Variants in KHDRBS2 observed in about 807,000 individuals in gnomAD.
The protein encoded by KHDRBS2 is KH domain-containing, RNA-binding, signal transduction-associated protein 2.
A neutral mutation model predicts 44.3 loss-of-function variants in KHDRBS2; 26 were observed. The ratio of observed to expected loss-of-function variants is 0.59; its 90% CI spans 0.43 to 0.81. The LOEUF (loss-of-function observed/expected upper bound fraction) is 0.81. KHDRBS2 is among the 40% of genes least tolerant of loss of function. The probability of loss-of-function intolerance (pLI) is 0.00; values close to 1 mark genes in which losing one functional copy is unlikely to be tolerated. For synonymous variants in KHDRBS2, 194 were observed against 151.1 expected, an observed-to-expected ratio of 1.28 and a Z score of -2.08; for missense variants, 476 against 433.1, an observed-to-expected ratio of 1.10 and a Z score of -0.88.
At chr6:61,833,637 C>T (rs1008782063) in intron 6 of KHDRBS2, among the ~76,000 whole-genome samples, 10 of 152,018 alleles carry the variant, frequency 6.6e-5, no homozygotes, top group East Asian at 1.9e-4. Context: ...ATTCATCATT[C>T]GAGGTAGTTA....
intron 2 of KHDRBS2, among the ~76,000 whole-genome samples, chr6:62,069,825 T>C (rs1391966984): frequency 1.3e-5 from 2 of 151,812 alleles, no homozygotes; most frequent in African/African-American, 4.8e-5. Context: ...GAGAATGGTA[T>C]CATGGTCTGT....
chr6:61,636,565 G>A, the KHDRBS2 span, among the ~76,000 whole-genome samples: 1 of 152,160 alleles, frequency 6.6e-6, no homozygotes, highest in African/African-American at 2.4e-5. Context: ...GCTCCCAGGG[G>A]ACATTTGGCA....
chr6:62,194,483 T>C (rs1825252800), intron 1 of KHDRBS2, among the ~76,000 whole-genome samples: 1 of 9,086 alleles, frequency 1.1e-4, no homozygotes, highest in African/African-American at 3.6e-4. Context: ...TTTCTTCCTT[T>C]TTTTTTTTTT....
intron 3 of KHDRBS2, among the ~76,000 whole-genome samples, chr6:62,008,888 C>CT (rs971962679): frequency 4.6e-5 from 7 of 152,128 alleles, no homozygotes; most frequent in South Asian, 2.1e-4. Flanking sequence ...CAATAAACTT[C>CT]TTTTTTTTGT....
intron 6 of KHDRBS2, among the ~76,000 whole-genome samples, chr6:61,750,075 A>C (rs1435331307): frequency 5.3e-5 from 8 of 152,202 alleles, no homozygotes; most frequent in Non-Finnish European, 1.2e-4. Context: ...AAAGAGTAGA[A>C]GATATCAGAT....
chr6:61,568,443 G>A, the KHDRBS2 span, among the ~76,000 whole-genome samples: 1 of 152,128 alleles, frequency 6.6e-6, no homozygotes, highest in East Asian at 1.9e-4. Context: ...GCTCTGACTT[G>A]GATGAACAGA....
At chr6:61,572,276 T>C in the KHDRBS2 span, among the ~76,000 whole-genome samples, 1 of 151,356 alleles carries the variant, frequency 6.6e-6, no homozygotes, top group Admixed American at 6.6e-5. Context: ...AAGGAAGAAA[T>C]AAAAAAATCT....
chr6:61,842,862 CTGTAATCTATACAGAT>C (rs1793783134), intron 6 of KHDRBS2, among the ~76,000 whole-genome samples: 2 of 151,502 alleles, frequency 1.3e-5, no homozygotes, highest in South Asian at 4.3e-4. Context: ...TGTGGTATAT[CTGTAATCTATACAGAT>C]AATCTATAAC....
intron 6 of KHDRBS2, among the ~76,000 whole-genome samples, chr6:61,849,970 A>G (rs563857016): frequency 1.3e-5 from 2 of 152,278 alleles, no homozygotes; most frequent in Middle Eastern, 3.4e-3. Flanking sequence ...AACTTTGACA[A>G]ACAAAAATAT....
rs540500431 is a variant in KHDRBS2, at chr6:61,837,114, C to T, written c.810+57521G>A. 3.3e-5 allele frequency among the ~76,000 whole-genome samples: 5 copies of T among 151,854 alleles called. No homozygotes were observed. In the South Asian group the frequency reaches 8.3e-4, roughly 25 times the overall value. On this transcript the variant is annotated intron_variant, in intron 6 of 8. Transcript: ENST00000281156. ...GTGGAGAACCATTTTGGGTTTAACCCTAAATGATGTTAGGCTGATACTCTT... is the reference window on the plus strand; with the variant it reads ...GTGGAGAACCATTTTGGGTTTAACCTTAAATGATGTTAGGCTGATACTCTT...
intron 4 of KHDRBS2, among the ~76,000 whole-genome samples, chr6:61,912,379 G>T (rs1434160028): frequency 2.0e-5 from 3 of 152,064 alleles, no homozygotes; most frequent in Admixed American, 2.0e-4. Context: ...TGCTTCCATT[G>T]GTTCTGCCTC....
chr6:61,727,658 T>A (rs1018499152), intron 7 of KHDRBS2, among the ~76,000 whole-genome samples: 14 of 152,234 alleles, frequency 9.2e-5, no homozygotes, highest in African/African-American at 2.9e-4. Flanking sequence ...AGAATACATA[T>A]ATGTGACTAA....
chr6:62,130,993 C>T (rs187364609), intron 2 of KHDRBS2, among the ~76,000 whole-genome samples: 50 of 152,044 alleles, frequency 3.3e-4, no homozygotes, highest in African/African-American at 1.1e-3. Flanking sequence ...AGTATGATTA[C>T]ATAATTATTA....
At chr6:62,104,590 C>A (rs1802704604) in intron 2 of KHDRBS2, among the ~76,000 whole-genome samples, 2 of 150,720 alleles carry the variant, frequency 1.3e-5, no homozygotes, top group Non-Finnish European at 2.9e-5. Context: ...AAAATGTATT[C>A]TAAACTGAAG....
chr6:61,862,980 A>C (rs1013340797), intron 6 of KHDRBS2, among the ~76,000 whole-genome samples: 4 of 152,008 alleles, frequency 2.6e-5, no homozygotes, highest in African/African-American at 9.7e-5. Context: ...TTATTGATCT[A>C]TTCAGAGATT....
At chr6:61,606,749 G>C in the KHDRBS2 span, among the ~76,000 whole-genome samples, 2 of 152,156 alleles carry the variant, frequency 1.3e-5, no homozygotes, top group African/African-American at 4.8e-5. Flanking sequence ...CCTAGATCTG[G>C]ATATTGAGGA....
chr6:61,574,552 T>G, the KHDRBS2 span: 1 of 530,388 alleles, frequency 1.9e-6, no homozygotes, highest in Non-Finnish European at 3.3e-6. Context: ...CAACATATGC[T>G]GAGACTTCAC....
intron 8 of KHDRBS2, among the ~76,000 whole-genome samples, chr6:61,683,598 T>C (rs1430948558): frequency 6.6e-6 from 1 of 151,948 alleles, no homozygotes; most frequent in African/African-American, 2.4e-5. Context: ...AACTCTTTAA[T>C]TAGAAATCTT....
At position 61,697,715 on chromosome 6, in the gene KHDRBS2, C is replaced by T. The variant is rs188080693; in HGVS notation, c.894-462G>A. Reference sequence around the variant, plus strand: ...CCTTTTACATCATGTCTGTGCACTCCCCAAATATATAAGCTATTTTGTTTC... The same window carrying T: ...CCTTTTACATCATGTCTGTGCACTCTCCAAATATATAAGCTATTTTGTTTC... On this transcript the variant is annotated intron_variant, in intron 7 of 8. Coordinates refer to ENST00000281156, the MANE Select transcript of KHDRBS2 (RefSeq NM_152688.4). Among the ~76,000 whole-genome samples the T allele has an allele frequency of 9.0e-4, 137 of 152,138 alleles. 5 individuals carry two copies. The East Asian group carries it at 0.023, about 26-fold the overall frequency.
Sources: allele counts gnomAD v4.1 joint callset (sites outside exome capture counted in the v4.1 genomes callset), GRCh38; gene constraint gnomAD v4.1.1; transcripts MANE v1.5; gene names NCBI Gene and HGNC (gene_info 2026-07-23, HGNC 2026-07-21).